Variants in INVS observed in about 807,000 individuals in gnomAD.
INVS encodes inversion of embryo turning homolog.
A neutral mutation model predicts 108.8 loss-of-function variants in INVS; 86 were observed. The ratio of observed to expected loss-of-function variants is 0.79; its 90% CI spans 0.66 to 0.95. The LOEUF is 0.95. Among genes scored for constraint, INVS ranks in the 40% least tolerant of loss-of-function variants. The pLI is 0.00. For missense variants in INVS, 1,169 were observed against 1,297.4 expected, an observed-to-expected ratio of 0.90 and a Z score of 1.52; for synonymous variants, 455 against 473.5, an observed-to-expected ratio of 0.96 and a Z score of 0.51.
At chr9:100,246,564 A>G in intron 7 of INVS, 52 bp from the exon 8 acceptor site, 1 of 1,344,370 alleles carries the variant, frequency 7.4e-7, no homozygotes, top group Non-Finnish European at 1.1e-6. Context: ...CTTTATTACC[A>G]CAGAAAATAC....
Position 100,113,574 on chromosome 9 carries a change from G to A in INVS, c.106+8947G>A, listed in dbSNP as rs187682765. 1.1e-4 allele frequency among the ~76,000 whole-genome samples: 16 copies of A among 151,380 alleles called. No individual in the cohort carries two copies. In the East Asian group the frequency reaches 2.5e-3, roughly 24 times the overall value. On this transcript the variant is annotated intron_variant, in intron 2 of 16. Transcript: ENST00000262457. The stretch of plus-strand genomic sequence containing the variant: ...TGGTGTCTTTTTTGTTTGTTTGTTT[G>A]TTTGTTTGTTTGTTTGTTTTAGTTT...
At chr9:100,254,560 T>G (rs1832351971) in intron 10 of INVS, among the ~76,000 whole-genome samples, 1 of 152,206 alleles carries the variant, frequency 6.6e-6, no homozygotes. Context: ...GTCTAACATT[T>G]AAGTCTTTAA....
intron 3 of INVS, among the ~76,000 whole-genome samples, chr9:100,191,608 G>T (rs1185592638): frequency 1.3e-5 from 2 of 151,988 alleles, no homozygotes; most frequent in African/African-American, 4.8e-5. Context: ...ACTTCACTAT[G>T]TTGGTTTTCA....
At chr9:100,278,230 T>TAAAAAAAAAAA (rs1833166033) in intron 12 of INVS, among the ~76,000 whole-genome samples, 1 of 20,654 alleles carries the variant, frequency 4.8e-5, no homozygotes, top group African/African-American at 2.9e-4. Flanking sequence ...AGACCCTGTC[T>TAAAAAAAAAAA]CAAAAAAAAA....
chr9:100,296,817 T>C (rs992910342), intron 14 of INVS, 100 bp from the exon 15 acceptor site: 8 of 930,390 alleles, frequency 8.6e-6, no homozygotes, highest in Admixed American at 2.0e-5. Flanking sequence ...CTACCAGGAA[T>C]TCAGCAAATA....
Position 100,280,825 on chromosome 9 carries a change from C to CA in INVS, c.1785-3494dup, listed in dbSNP as rs545743492. Among the ~76,000 whole-genome samples the CA allele has an allele frequency of 1.7e-4, 26 of 152,250 alleles. No individual in the cohort carries two copies. The East Asian group carries it at 4.8e-3, about 28-fold the overall frequency. ...AGTTATGGCTGAGTGTGGTGGCTCA[C>CA]ACCTGTAATCCCAGCCCTTTGAGAG... is the stretch of plus-strand genomic sequence containing the variant. On this transcript the variant is annotated intron_variant, in intron 12 of 16. Coordinates refer to ENST00000262457, the MANE Select transcript of INVS (RefSeq NM_014425.5).
At chr9:100,168,884 C>G (rs533465289) in intron 3 of INVS, among the ~76,000 whole-genome samples, 4 of 152,228 alleles carry the variant, frequency 2.6e-5, no homozygotes, top group African/African-American at 9.6e-5. Flanking sequence ...TCACATATAA[C>G]GCTATACAAA....
intron 3 of INVS, among the ~76,000 whole-genome samples, chr9:100,184,899 GA>G (rs2118110454): frequency 6.6e-6 from 1 of 152,300 alleles, no homozygotes; most frequent in South Asian, 2.1e-4. Context: ...GACAGGAGTA[GA>G]TACTCAAGTT....
At chr9:100,147,120 A>G (rs1179666198) in intron 3 of INVS, among the ~76,000 whole-genome samples, 2 of 152,204 alleles carry the variant, frequency 1.3e-5, no homozygotes, top group African/African-American at 2.4e-5. Flanking sequence ...TGTTAATTCA[A>G]TTATAGACTT....
intron 3 of INVS, among the ~76,000 whole-genome samples, chr9:100,174,501 A>C (rs1168999293): frequency 6.6e-6 from 1 of 152,198 alleles, no homozygotes; most frequent in Non-Finnish European, 1.5e-5. Flanking sequence ...CAAAGATAGG[A>C]GAGAGAGAAT....
At chr9:100,283,139 C>T (rs905671562) in intron 12 of INVS, among the ~76,000 whole-genome samples, 1 of 152,012 alleles carries the variant, frequency 6.6e-6, no homozygotes, top group Non-Finnish European at 1.5e-5. Flanking sequence ...TGAGACCCCC[C>T]CTCCCCATCT....
At chr9:100,249,839 T>C (rs1360101556) in intron 8 of INVS, among the ~76,000 whole-genome samples, 1 of 147,492 alleles carries the variant, frequency 6.8e-6, no homozygotes. Flanking sequence ...GCGTGGTAGC[T>C]CACGCCTGTA....
At chr9:100,145,238 T>G (rs938221107) in intron 3 of INVS, among the ~76,000 whole-genome samples, 1 of 149,156 alleles carries the variant, frequency 6.7e-6, no homozygotes, top group African/African-American at 2.5e-5. Context: ...GGAAGGGGTT[T>G]GGGGGTTCTT....
chr9:100,101,692 T>G (rs1260862145), intron 1 of INVS: 3 of 152,208 alleles, frequency 2.0e-5, no homozygotes, highest in African/African-American at 7.2e-5. Flanking sequence ...TAAATTTATC[T>G]TAGAAAACTC....
chr9:100,172,888 G>T (rs1408525412), intron 3 of INVS, among the ~76,000 whole-genome samples: 1 of 152,092 alleles, frequency 6.6e-6, no homozygotes, highest in African/African-American at 2.4e-5. Context: ...GCTGCATGGG[G>T]GAAAATATGA....
intron 3 of INVS, among the ~76,000 whole-genome samples, chr9:100,222,107 T>C (rs1017370806): frequency 1.8e-4 from 28 of 152,208 alleles, no homozygotes; most frequent in African/African-American, 6.3e-4. Context: ...CTGAACTGTG[T>C]ATATTACAAT....
At chr9:100,138,700 C>CTT (rs36096327) in intron 3 of INVS, among the ~76,000 whole-genome samples, 53,566 of 124,226 alleles carry the variant, frequency 0.43, 12,245 homozygotes, top group East Asian at 0.83. Context: ...TGATGGTTTC[C>CTT]TTTTTTTTTT....
intron 13 of INVS, among the ~76,000 whole-genome samples, chr9:100,287,104 C>A (rs1318289054): frequency 1.3e-5 from 2 of 152,164 alleles, no homozygotes; most frequent in Non-Finnish European, 2.9e-5. Flanking sequence ...TGTCTGCATT[C>A]AGGTGGAGAG....
intron 4 of INVS, among the ~76,000 whole-genome samples, 157 bp downstream of exon 4, chr9:100,226,392 T>C (rs557855968): frequency 6.6e-6 from 1 of 152,340 alleles, no homozygotes; most frequent in African/African-American, 2.4e-5. Flanking sequence ...TTCACTTAAA[T>C]TCTGTCATTT....
Sources: gnomAD v4.1 joint callset for allele counts (sites outside exome capture counted in the v4.1 genomes callset) on GRCh38, gnomAD v4.1.1 for gene constraint, MANE v1.5 for transcripts, NCBI Gene and HGNC (gene_info 2026-07-23, HGNC 2026-07-21) for gene names.